MRPS21: variants seen among roughly 807,000 people sequenced by gnomAD.
MRPS21 encodes mitochondrial ribosomal protein S21.
In MRPS21, 8 loss-of-function variants were observed where a neutral mutation model predicts 9.9. The observed-to-expected ratio is 0.81, with a 90% CI of 0.47 to 1.45. The LOEUF is 1.45. Ranked by LOEUF, MRPS21 falls within the 40% of genes most tolerant of loss-of-function variation. MRPS21 has a pLI of 0.00. For synonymous variants in MRPS21, 40 were observed against 40.3 expected, an observed-to-expected ratio of 0.99 and a Z score of 0.03; for missense variants, 101 against 118.9, an observed-to-expected ratio of 0.85 and a Z score of 0.70.
intron 2 of MRPS21, chr1:150,304,251 C>A: frequency 3.8e-6 from 1 of 259,958 alleles, no homozygotes. Context: ...GTTGAGGCTG[C>A]AGTGAGCCAA....
Position 150,294,402 on chromosome 1 carries a change from G to T in MRPS21, c.36G>T (p.Val12=), listed in dbSNP as rs1253317272. The change falls in exon 2 of 3, where the codon GTG becomes GTT. Residue 12 remains valine (V), a synonymous_variant. Transcript: ENST00000614145. ...ATCTGAAGTTCATCGCCAGGACTGT[G>T]ATGGTACAGGAAGGGAACGTGGAAA... The part of the protein sequence containing the change: ...AKHLKFIART[V]MVQEGNVESA... 1 of 1,613,682 alleles carries T rather than the reference G, an allele frequency of 6.2e-7. No homozygotes were observed. Among genetic ancestry groups the T allele is most frequent in the Non-Finnish European group, 8.5e-7 (1 of 1,179,882 alleles).
At chr1:150,307,220 G>A (rs1475608816) in intron 2 of MRPS21, among the ~76,000 whole-genome samples, 5 of 151,326 alleles carry the variant, frequency 3.3e-5, no homozygotes, top group African/African-American at 2.4e-5. Context: ...GCTAATTTTT[G>A]TATTTTTAGT....
intron 2 of MRPS21, among the ~76,000 whole-genome samples, chr1:150,303,205 C>T (rs1033940380): frequency 1.6e-4 from 25 of 152,226 alleles, no homozygotes; most frequent in African/African-American, 4.6e-4. Flanking sequence ...CCAATAGGTT[C>T]GTCTTCCTAG....
At chr1:150,304,957 T>C (rs11205359) in intron 2 of MRPS21, 149,476 of 332,924 alleles carry the variant, frequency 0.45, 36,104 homozygotes, top group East Asian at 0.76. Flanking sequence ...GAGAATCGCT[T>C]GAACCCAGAA....
chr1:150,306,069 T>C (rs1352778263), intron 2 of MRPS21, among the ~76,000 whole-genome samples: 2 of 152,240 alleles, frequency 1.3e-5, no homozygotes, highest in Non-Finnish European at 2.9e-5. Flanking sequence ...CTGGGAACTT[T>C]AGTGGCTTAG....
chr1:150,303,322 A>G (rs374166198), intron 2 of MRPS21, among the ~76,000 whole-genome samples: 16 of 152,182 alleles, frequency 1.1e-4, no homozygotes, highest in African/African-American at 3.6e-4. Flanking sequence ...GCTTTTTTCT[A>G]TATTTTCTCC....
At chr1:150,296,020 C>T (rs1462244956) in intron 2 of MRPS21, among the ~76,000 whole-genome samples, 3 of 150,306 alleles carry the variant, frequency 2.0e-5, no homozygotes, top group Admixed American at 6.6e-5. Context: ...GGTGCAGTCT[C>T]GGCTCACTGC....
At chr1:150,296,580 TAAAAA>T (rs1233274134) in intron 2 of MRPS21, among the ~76,000 whole-genome samples, 1 of 151,978 alleles carries the variant, frequency 6.6e-6, no homozygotes, top group Non-Finnish European at 1.5e-5. Context: ...CCATGTCTCT[TAAAAA>T]AAATGTAGGA....
chr1:150,302,203 A>G lies in MRPS21; in HGVS notation c.84-5845A>G, dbSNP rs922742466. On this transcript the variant is annotated intron_variant, in intron 2 of 2. Transcript: ENST00000614145. ...AATAGGTAGGAGAGCAAATGAGTCT[A>G]GAGGGAGGTGATTAAAGCTTTACCA... Among the ~76,000 whole-genome samples the G allele has an allele frequency of 3.9e-5, 6 of 152,188 alleles. No individual in the cohort carries two copies. In the East Asian group the frequency reaches 9.6e-4, roughly 24 times the overall value.
chr1:150,303,932 A>C, intron 2 of MRPS21: 1 of 456,034 alleles, frequency 2.2e-6, no homozygotes, highest in Admixed American at 2.3e-5. Context: ...GTTAGGTGCA[A>C]AAGTGAATAC....
chr1:150,305,305 C>G (rs587645516), intron 2 of MRPS21, among the ~76,000 whole-genome samples: 1 of 152,206 alleles, frequency 6.6e-6, no homozygotes, highest in East Asian at 1.9e-4. Flanking sequence ...TCCCAAAGTC[C>G]TGGGATTACA....
intron 2 of MRPS21, among the ~76,000 whole-genome samples, chr1:150,297,779 A>G (rs1653970336): frequency 6.6e-6 from 1 of 152,104 alleles, no homozygotes; most frequent in South Asian, 2.1e-4. Context: ...GAGAGTAAAG[A>G]TAAGTACCAG....
intron 2 of MRPS21, among the ~76,000 whole-genome samples, chr1:150,295,352 T>C (rs1354809080): frequency 2.0e-5 from 3 of 152,150 alleles, no homozygotes; most frequent in Non-Finnish European, 4.4e-5. Flanking sequence ...TCCTCCTGCC[T>C]CAGTCTCCTG....
At chr1:150,302,740 T>G (rs950433637) in intron 2 of MRPS21, among the ~76,000 whole-genome samples, 2 of 152,138 alleles carry the variant, frequency 1.3e-5, no homozygotes, top group Non-Finnish European at 2.9e-5. Context: ...TAACACCCCC[T>G]CTATTCTTGT....
chr1:150,299,300 A>G (rs1013027159), intron 2 of MRPS21, among the ~76,000 whole-genome samples: 39 of 145,574 alleles, frequency 2.7e-4, no homozygotes, highest in African/African-American at 9.9e-4. Flanking sequence ...GCCAGCTCTT[A>G]TCTTTTGAGA....
intron 2 of MRPS21, among the ~76,000 whole-genome samples, chr1:150,299,802 C>T (rs1162621258): frequency 1.3e-5 from 2 of 152,068 alleles, no homozygotes; most frequent in Non-Finnish European, 2.9e-5. Context: ...TGGCATTTTA[C>T]ACAAACCTAT....
chr1:150,294,269 G>C, intron 1 of MRPS21, 66 bp from the exon 2 acceptor site: 1 of 1,088,536 alleles, frequency 9.2e-7, no homozygotes, highest in East Asian at 2.4e-5. Context: ...TAAGCCGCGC[G>C]GTGTAGTTTG....
At chr1:150,305,565 G>A (rs1553858384) in intron 2 of MRPS21, among the ~76,000 whole-genome samples, 1 of 152,152 alleles carries the variant, frequency 6.6e-6, no homozygotes, top group African/African-American at 2.4e-5. Context: ...ATACTTAAGT[G>A]TGACTAGAGC....
At chr1:150,301,316 C>G (rs1327114083) in intron 2 of MRPS21, 2 of 284,214 alleles carry the variant, frequency 7.0e-6, no homozygotes, top group Admixed American at 4.1e-5. Context: ...ACCTGGGGGA[C>G]GAGAGCGAGA....
Sources: gnomAD v4.1 joint callset for allele counts (sites outside exome capture counted in the v4.1 genomes callset) on GRCh38, gnomAD v4.1.1 for gene constraint, MANE v1.5 for transcripts, NCBI Gene and HGNC (gene_info 2026-07-23, HGNC 2026-07-21) for gene names.